The following ST6GALNAC3 variants were observed in gnomAD, a reference collection of about 807,000 sequenced individuals.
The protein encoded by ST6GALNAC3 is alpha-N-acetylgalactosaminide alpha-2,6-sialyltransferase 3.
In ST6GALNAC3, 25 loss-of-function variants were observed where a neutral mutation model predicts 32.7. The ratio of observed to expected loss-of-function variants is 0.76; its 90% CI spans 0.56 to 1.07. The LOEUF (loss-of-function observed/expected upper bound fraction) is 1.07. Ranked by LOEUF, ST6GALNAC3 falls within the 50% of genes least tolerant of loss-of-function variation. The probability of loss-of-function intolerance (pLI) is 0.00; values close to 1 mark genes in which losing one functional copy is unlikely to be tolerated. For synonymous variants in ST6GALNAC3, 129 were observed against 133.1 expected, an observed-to-expected ratio of 0.97 and a Z score of 0.21; for missense variants, 355 against 382.4, an observed-to-expected ratio of 0.93 and a Z score of 0.60.
chr1:76,607,618 A>C (rs897494590), intron 3 of ST6GALNAC3, among the ~76,000 whole-genome samples: 1 of 152,168 alleles, frequency 6.6e-6, no homozygotes, highest in Non-Finnish European at 1.5e-5. Context: ...AGGAAATTAC[A>C]AGAATTTTAG....
At chr1:76,511,457 A>T (rs1661856075) in intron 3 of ST6GALNAC3, among the ~76,000 whole-genome samples, 1 of 152,102 alleles carries the variant, frequency 6.6e-6, no homozygotes, top group African/African-American at 2.4e-5. Flanking sequence ...TGCTGCTCAC[A>T]TCCCTAGCCT....
In ST6GALNAC3 at chr1:76,576,942, GAAAGAAAC is replaced by G. The variant is rs533331609; in HGVS notation, c.624-50506_624-50499del. 5.9e-4 allele frequency: 758 copies of G among 1,291,852 alleles called. 4 individuals are homozygous for G. The African/African-American group carries it at 7.7e-3, about 13-fold the overall frequency. 80.0% of individuals were successfully genotyped at this position (1,291,852 alleles called of 1,614,324 possible). A position where few individuals can be genotyped will look rare whatever the true frequency, so the allele number is the denominator to read the frequency against. ...GGAAGGAAGGAATAAAAGAAAGAAA[GAAAGAAAC>G]AAACAAACAAACAAACAAAACTAAG... On this transcript the variant is annotated intron_variant, in intron 3 of 4. Transcript: ENST00000328299.
At chr1:76,621,337 A>T (rs1456087526) in intron 3 of ST6GALNAC3, among the ~76,000 whole-genome samples, 2 of 151,968 alleles carry the variant, frequency 1.3e-5, no homozygotes, top group African/African-American at 4.8e-5. Context: ...GATTCCTTTC[A>T]CTTGGTTCAT....
chr1:76,400,751 G>A (rs955601877), intron 2 of ST6GALNAC3, among the ~76,000 whole-genome samples: 8 of 151,952 alleles, frequency 5.3e-5, no homozygotes, highest in Non-Finnish European at 1.2e-4. Context: ...GCTGGGCATG[G>A]TGGTGGGCAC....
chr1:76,264,790 G>A (rs1307842664), intron 1 of ST6GALNAC3, among the ~76,000 whole-genome samples: 1 of 152,068 alleles, frequency 6.6e-6, no homozygotes, highest in Admixed American at 6.6e-5. Context: ...GTAGTGGATA[G>A]TGTGACAGGT....
intron 1 of ST6GALNAC3, 63 bp from the exon 2 acceptor site, chr1:76,313,742 T>G: frequency 6.4e-7 from 1 of 1,560,254 alleles, no homozygotes. Context: ...AGGAACCTCC[T>G]TCTGTGACTG....
At chr1:76,403,951 A>G (rs1480077549) in intron 2 of ST6GALNAC3, among the ~76,000 whole-genome samples, 1 of 152,030 alleles carries the variant, frequency 6.6e-6, no homozygotes, top group Admixed American at 6.6e-5. Flanking sequence ...CCCAGTCTGG[A>G]GAAAACATGT....
intron 1 of ST6GALNAC3, among the ~76,000 whole-genome samples, chr1:76,290,732 G>T (rs1337614790): frequency 1.3e-5 from 2 of 152,126 alleles, no homozygotes; most frequent in East Asian, 3.9e-4. Flanking sequence ...TGGGACATTT[G>T]CATTTGGCAA....
intron 3 of ST6GALNAC3, among the ~76,000 whole-genome samples, chr1:76,547,166 A>G (rs909616245): frequency 6.6e-6 from 1 of 152,370 alleles, no homozygotes; most frequent in East Asian, 1.9e-4. Flanking sequence ...CACTCTGCCT[A>G]CGCAGGTGCT....
intron 1 of ST6GALNAC3, among the ~76,000 whole-genome samples, chr1:76,167,605 G>A (rs902968951): frequency 1.3e-5 from 2 of 152,116 alleles, no homozygotes; most frequent in Non-Finnish European, 2.9e-5. Context: ...ATTCAGCTGT[G>A]AATCCATCTG....
chr1:76,147,589 C>T (rs1170309669), intron 1 of ST6GALNAC3, among the ~76,000 whole-genome samples: 1 of 152,128 alleles, frequency 6.6e-6, no homozygotes, highest in Admixed American at 6.5e-5. Context: ...ATACCGTTTA[C>T]TTACATATTT....
At chr1:76,089,540 G>A (rs1244110977) in intron 1 of ST6GALNAC3, among the ~76,000 whole-genome samples, 1 of 152,198 alleles carries the variant, frequency 6.6e-6, no homozygotes, top group Non-Finnish European at 1.5e-5. Flanking sequence ...GGAGTTGTAT[G>A]TATCAAAAGG....
chr1:76,268,011 G>A (rs936726969), intron 1 of ST6GALNAC3, among the ~76,000 whole-genome samples: 2 of 152,230 alleles, frequency 1.3e-5, no homozygotes, highest in African/African-American at 2.4e-5. Context: ...TGTCTGGAAA[G>A]AGTCCGTTCC....
At chr1:76,598,422 G>A (rs1647172028) in intron 3 of ST6GALNAC3, among the ~76,000 whole-genome samples, 1 of 152,160 alleles carries the variant, frequency 6.6e-6, no homozygotes, top group African/African-American at 2.4e-5. Flanking sequence ...AGAAGGTTGA[G>A]CTGCCCCCAG....
intron 1 of ST6GALNAC3, among the ~76,000 whole-genome samples, chr1:76,180,174 G>A (rs1236659327): frequency 6.6e-6 from 1 of 152,202 alleles, no homozygotes; most frequent in Admixed American, 6.5e-5. Flanking sequence ...TGTTCAGAAA[G>A]TATTTCTTAA....
chr1:76,267,083 C>T, intron 1 of ST6GALNAC3, among the ~76,000 whole-genome samples: 1 of 152,192 alleles, frequency 6.6e-6, no homozygotes, highest in Non-Finnish European at 1.5e-5. Context: ...CAGGAGTATC[C>T]CACCTCCCTT....
Position 76,312,951 on chromosome 1 carries a change from A to T in ST6GALNAC3, c.19-854A>T, listed in dbSNP as rs116072014. Among the ~76,000 whole-genome samples, 643 of 152,220 alleles carry T rather than the reference A, an allele frequency of 4.2e-3. 3 individuals are homozygous for T. Among genetic ancestry groups the T allele is most frequent in the African/African-American group, 0.014 (599 of 41,552 alleles). ...CATTTTATCAAGCTCAATTTCAAAG[A>T]CATCTTTGCTTTCTCTCTTCTCAAT... On this transcript the variant is annotated intron_variant, in intron 1 of 4. Coordinates refer to ENST00000328299, the MANE Select transcript of ST6GALNAC3 (RefSeq NM_152996.4).
chr1:76,123,396 A>T (rs936541952), intron 1 of ST6GALNAC3, among the ~76,000 whole-genome samples: 8 of 150,588 alleles, frequency 5.3e-5, no homozygotes, highest in Admixed American at 1.3e-4. Flanking sequence ...AAAAAAAAAA[A>T]GCTTTGCTAT....
intron 3 of ST6GALNAC3, among the ~76,000 whole-genome samples, chr1:76,620,181 G>C (rs564849592): frequency 1.3e-5 from 2 of 152,138 alleles, no homozygotes; most frequent in East Asian, 3.9e-4. Flanking sequence ...ATTGCAGCTT[G>C]ATATATAAGA....
Sources: allele counts gnomAD v4.1 joint callset (sites outside exome capture counted in the v4.1 genomes callset), GRCh38; gene constraint gnomAD v4.1.1; transcripts MANE v1.5; gene names NCBI Gene and HGNC (gene_info 2026-07-23, HGNC 2026-07-21).